Variants in STXBP5L observed in about 807,000 individuals in gnomAD.
STXBP5L encodes the protein syntaxin binding protein 5L, also known as syntaxin-binding protein 5-like.
A neutral mutation model predicts 144.5 loss-of-function variants in STXBP5L; 65 were observed. The observed-to-expected ratio is 0.45, with a 90% CI of 0.37 to 0.55. The LOEUF is 0.55. Ranked by LOEUF, STXBP5L falls within the 20% of genes least tolerant of loss-of-function variation. STXBP5L has a pLI of 0.00. For synonymous variants in STXBP5L, 505 were observed against 469.6 expected (o/e 1.08, Z -0.97); for missense variants, 1,298 against 1,405.5 (o/e 0.92, Z 1.22).
At chr3:121,088,348 T>C (rs1317286459) in intron 5 of STXBP5L, among the ~76,000 whole-genome samples, 3 of 113,942 alleles carry the variant, frequency 2.6e-5, no homozygotes, top group East Asian at 2.2e-4. Context: ...GAAATGCTCA[T>C]CATCACTGGC....
At chr3:121,320,607 G>T (rs576773631) in intron 20 of STXBP5L, among the ~76,000 whole-genome samples, 1 of 151,722 alleles carries the variant, frequency 6.6e-6, no homozygotes, top group East Asian at 1.9e-4. Context: ...GTTTTTGGTA[G>T]ATATGCTGTT....
chr3:121,223,591 T>C (rs778243830), intron 11 of STXBP5L, among the ~76,000 whole-genome samples: 8 of 152,184 alleles, frequency 5.3e-5, no homozygotes, highest in Non-Finnish European at 8.8e-5. Flanking sequence ...CTGGCTTTGC[T>C]TCAGATGCAA....
intron 3 of STXBP5L, among the ~76,000 whole-genome samples, chr3:121,014,860 A>AT (rs1221722816): frequency 2.0e-5 from 3 of 152,088 alleles, no homozygotes; most frequent in Non-Finnish European, 4.4e-5. Context: ...TTTAATAATT[A>AT]TATTTTTATG....
intron 5 of STXBP5L, among the ~76,000 whole-genome samples, chr3:121,054,597 G>A (rs1948308070): frequency 9.3e-6 from 1 of 107,272 alleles, no homozygotes; most frequent in Non-Finnish European, 1.8e-5. Context: ...TGTGGGGTGG[G>A]GGGAGGGGGG....
At chr3:121,301,589 A>C (rs2051910034) in intron 19 of STXBP5L, among the ~76,000 whole-genome samples, 2 of 152,178 alleles carry the variant, frequency 1.3e-5, no homozygotes, top group African/African-American at 2.4e-5. Context: ...TATGTTGAAT[A>C]GGAGTGGTGA....
intron 9 of STXBP5L, among the ~76,000 whole-genome samples, chr3:121,185,530 G>T (rs1326795820): frequency 2.0e-5 from 3 of 152,010 alleles, no homozygotes; most frequent in Admixed American, 1.3e-4. Context: ...GGCCAGTTTT[G>T]CCAGCACCAT....
intron 20 of STXBP5L, among the ~76,000 whole-genome samples, chr3:121,371,776 G>A (rs777100160): frequency 1.3e-5 from 2 of 152,228 alleles, no homozygotes; most frequent in East Asian, 1.9e-4. Context: ...CAAGGCCAGG[G>A]CCACTATTTT....
Position 120,962,044 on chromosome 3 carries a change from ATG to A in STXBP5L, c.287+7011_287+7012del, listed in dbSNP as rs532305629. ...GACCAGTGATGATGAGCATTTTTTC[ATG>A]TGTCTTTTGGCTGCGTAAATGTCTT... On this transcript the variant is annotated intron_variant, in intron 3 of 26. Coordinates refer to ENST00000471454, the MANE Select transcript of STXBP5L (RefSeq NM_001308330.2). 5.1e-4 allele frequency among the ~76,000 whole-genome samples: 78 copies of A among 152,088 alleles called. No homozygotes were observed. In the East Asian group the frequency reaches 0.011, roughly 22 times the overall value.
chr3:121,412,950 C>T (rs1021679845), intron 23 of STXBP5L, among the ~76,000 whole-genome samples: 9 of 151,924 alleles, frequency 5.9e-5, no homozygotes, highest in Non-Finnish European at 1.3e-4. Flanking sequence ...GTGAGAATCA[C>T]TTGAACCTGG....
chr3:121,072,439 A>G (rs977028992), intron 5 of STXBP5L, among the ~76,000 whole-genome samples: 1 of 152,240 alleles, frequency 6.6e-6, no homozygotes, highest in Non-Finnish European at 1.5e-5. Context: ...ATGTCGTCCT[A>G]TAAGAGTTTC....
chr3:121,375,732 A>G (rs892707177), intron 20 of STXBP5L, among the ~76,000 whole-genome samples: 27 of 152,182 alleles, frequency 1.8e-4, no homozygotes, highest in African/African-American at 6.3e-4. Flanking sequence ...GGAATCCAGG[A>G]AATGTACAAT....
At chr3:120,963,613 G>A (rs557779361) in intron 3 of STXBP5L, among the ~76,000 whole-genome samples, 4 of 152,252 alleles carry the variant, frequency 2.6e-5, no homozygotes, top group Admixed American at 1.3e-4. Context: ...TGCATCCCAG[G>A]GATGAAGCTG....
chr3:121,157,411 T>A, intron 8 of STXBP5L, 93 bp from the exon 9 acceptor site: 1 of 1,288,074 alleles, frequency 7.8e-7, no homozygotes, highest in Non-Finnish European at 1.0e-6. Context: ...AGTATAATAA[T>A]TTTATATCAG....
At chr3:121,205,877 T>A in intron 9 of STXBP5L, 46 bp from the exon 10 acceptor site, 1 of 1,025,150 alleles carries the variant, frequency 9.8e-7, no homozygotes. Context: ...TTCTTACAGA[T>A]GAATATAATT....
At chr3:121,313,065 A>G (rs1224780344) in intron 19 of STXBP5L, among the ~76,000 whole-genome samples, 1 of 147,106 alleles carries the variant, frequency 6.8e-6, no homozygotes, top group Non-Finnish European at 1.5e-5. Context: ...CACCTCCCGG[A>G]TGGGGCGGCT....
At chr3:120,940,632 G>C in intron 2 of STXBP5L, among the ~76,000 whole-genome samples, 1 of 127,156 alleles carries the variant, frequency 7.9e-6, no homozygotes, top group East Asian at 2.0e-4. Context: ...TGAGTCCTAG[G>C]GGTGGAAAAA....
intron 11 of STXBP5L, among the ~76,000 whole-genome samples, chr3:121,229,364 T>C (rs1437566241): frequency 6.6e-6 from 1 of 152,132 alleles, no homozygotes; most frequent in Non-Finnish European, 1.5e-5. Context: ...TTTTTCTCAA[T>C]AAAAGACATT....
intron 20 of STXBP5L, among the ~76,000 whole-genome samples, chr3:121,355,695 G>C (rs1275741234): frequency 6.6e-6 from 1 of 152,122 alleles, no homozygotes; most frequent in Non-Finnish European, 1.5e-5. Context: ...CTGTCAACTC[G>C]TTAAAGTCAT....
At chr3:121,139,336 C>G (rs1462135136) in intron 7 of STXBP5L, among the ~76,000 whole-genome samples, 1 of 152,030 alleles carries the variant, frequency 6.6e-6, no homozygotes, top group Non-Finnish European at 1.5e-5. Flanking sequence ...TAAAAAAGCA[C>G]TCTCTCTTAT....
Sources: gnomAD v4.1 joint callset for allele counts (sites outside exome capture counted in the v4.1 genomes callset) on GRCh38, gnomAD v4.1.1 for gene constraint, MANE v1.5 for transcripts, NCBI Gene and HGNC (gene_info 2026-07-23, HGNC 2026-07-21) for gene names.